The following CHSY3 variants were observed in gnomAD, a reference collection of about 807,000 sequenced individuals.
CHSY3 encodes N-acetylgalactosaminyl-proteoglycan 3-beta-glucuronosyltransferase 3.
In CHSY3, 35 loss-of-function variants were observed where a neutral mutation model predicts 67.2. That is an observed-to-expected ratio of 0.52 (90% CI 0.40 to 0.69). The LOEUF is 0.69. Ranked by LOEUF, CHSY3 falls within the 30% of genes least tolerant of loss-of-function variation. The pLI, the probability that CHSY3 is intolerant of heterozygous loss-of-function variation, is 0.00. For synonymous variants in CHSY3, 474 were observed against 434.7 expected (o/e 1.09, Z -1.12); for missense variants, 1,069 against 1,138.5 (o/e 0.94, Z 0.88).
intron 2 of CHSY3, among the ~76,000 whole-genome samples, chr5:130,063,277 C>T (rs1765770460): frequency 6.6e-6 from 1 of 152,028 alleles, no homozygotes; most frequent in Non-Finnish European, 1.5e-5. Flanking sequence ...ATAAAGGACT[C>T]TCAGCATAAA....
chr5:130,108,996 T>G (rs899516366), intron 2 of CHSY3, among the ~76,000 whole-genome samples: 1 of 151,734 alleles, frequency 6.6e-6, no homozygotes, highest in African/African-American at 2.4e-5. Flanking sequence ...TGAAGACATA[T>G]GAAGCCCTCA....
intron 2 of CHSY3, among the ~76,000 whole-genome samples, chr5:130,119,674 G>A (rs1392574882): frequency 6.6e-6 from 1 of 151,966 alleles, no homozygotes; most frequent in African/African-American, 2.4e-5. Context: ...TCCCAAATTC[G>A]AAAACTCCAG....
At chr5:129,931,046 T>G (rs41488344) in intron 2 of CHSY3, among the ~76,000 whole-genome samples, 4,115 of 152,184 alleles carry the variant, frequency 0.027, 194 homozygotes, top group African/African-American at 0.093. Flanking sequence ...TGTAAGGTCA[T>G]ATATCATGCT....
At chr5:129,921,198 A>G (rs1410731063) in intron 2 of CHSY3, among the ~76,000 whole-genome samples, 2 of 152,194 alleles carry the variant, frequency 1.3e-5, no homozygotes, top group Non-Finnish European at 2.9e-5. Flanking sequence ...GCATACCAAA[A>G]TTGCCAGCAT....
chr5:130,053,803 G>T (rs1318713049), intron 2 of CHSY3, among the ~76,000 whole-genome samples: 3 of 152,002 alleles, frequency 2.0e-5, no homozygotes, highest in Non-Finnish European at 2.9e-5. Flanking sequence ...AAATAAAAGG[G>T]TATGTTTAGA....
Position 130,167,281 on chromosome 5 carries a change from G to A in CHSY3, c.1087-16948G>A, listed in dbSNP as rs527456250. ...TGGTATGATCAGGCCTTCCGTGTTTGCTAATTGGTGTTTATCAAAGTTAGG... is the reference window on the plus strand; with the variant it reads ...TGGTATGATCAGGCCTTCCGTGTTTACTAATTGGTGTTTATCAAAGTTAGG... On this transcript the variant is annotated intron_variant, in intron 2 of 2. Transcript: ENST00000305031. Among the ~76,000 whole-genome samples, 16 of 152,188 alleles carry A rather than the reference G, an allele frequency of 1.1e-4. No homozygotes were observed. In the South Asian group the frequency reaches 3.3e-3, roughly 32 times the overall value.
chr5:130,047,504 G>T (rs1227439843), intron 2 of CHSY3, among the ~76,000 whole-genome samples: 1 of 151,994 alleles, frequency 6.6e-6, no homozygotes, highest in Non-Finnish European at 1.5e-5. Flanking sequence ...TAATTTATTG[G>T]CCATCCAGAA....
At chr5:130,065,062 C>T (rs1347429800) in intron 2 of CHSY3, among the ~76,000 whole-genome samples, 1 of 152,122 alleles carries the variant, frequency 6.6e-6, no homozygotes, top group East Asian at 1.9e-4. Flanking sequence ...TTCTGTAACT[C>T]ATTCATCTGG....
At chr5:129,965,314 C>T (rs1239504729) in intron 2 of CHSY3, among the ~76,000 whole-genome samples, 1 of 151,978 alleles carries the variant, frequency 6.6e-6, no homozygotes, top group East Asian at 1.9e-4. Flanking sequence ...TAGATATATT[C>T]TACCTTACCA....
intron 2 of CHSY3, among the ~76,000 whole-genome samples, chr5:130,178,242 TA>T (rs1770124096): frequency 1.4e-5 from 1 of 71,842 alleles, no homozygotes. Context: ...TATATATATA[TA>T]TATATATATA....
Position 130,149,100 on chromosome 5 carries a change from A to G in CHSY3, c.1087-35129A>G, listed in dbSNP as rs547233371. ...GTTGTAAGGAAGTGGTCCAGTTTCA[A>G]TCTTCTTCATATGGCTAGCCAGTTA... On this transcript the variant is annotated intron_variant, in intron 2 of 2. Coordinates refer to ENST00000305031, the MANE Select transcript of CHSY3 (RefSeq NM_175856.5). Among the ~76,000 whole-genome samples, 7 of 152,240 alleles carry G rather than the reference A, an allele frequency of 4.6e-5. No homozygotes were observed. In the South Asian group the frequency reaches 1.0e-3, roughly 23 times the overall value.
At position 129,904,549 on chromosome 5, in the gene CHSY3, T is replaced by TGCTGCCGCC. The variant is rs904791756; in HGVS notation, c.-271_-263dup. On this transcript the variant is annotated 5_prime_UTR_variant, in exon 1 of 3. Transcript: ENST00000305031. Reference sequence around the variant, plus strand: ...CTCCTGCAGCTCCTCCAGCTGCCGCTGCTGCCGCCGCTGCCGCCACCGCCG... The same window carrying TGCTGCCGCC: ...CTCCTGCAGCTCCTCCAGCTGCCGCTGCTGCCGCCGCTGCCGCCGCTGCCGCCACCGCCG... The TGCTGCCGCC allele has an allele frequency of 1.6e-4, 58 of 356,322 alleles. 1 individual carries two copies. Among genetic ancestry groups the TGCTGCCGCC allele is most frequent in the Admixed American group, 3.5e-4 (7 of 20,004 alleles). The allele number at this position is 356,322 out of a possible 1,614,324, so 22.1% of individuals were successfully genotyped here.
chr5:130,156,622 A>T (rs1049138118), intron 2 of CHSY3, among the ~76,000 whole-genome samples: 1 of 152,212 alleles, frequency 6.6e-6, no homozygotes, highest in Admixed American at 6.5e-5. Flanking sequence ...CTGAGCATCA[A>T]CACCCTTCCA....
chr5:130,049,355 T>C (rs1483543674), intron 2 of CHSY3, among the ~76,000 whole-genome samples: 1 of 152,116 alleles, frequency 6.6e-6, no homozygotes, highest in Non-Finnish European at 1.5e-5. Flanking sequence ...GCTGGGAACA[T>C]GCTTGCATAG....
intron 2 of CHSY3, among the ~76,000 whole-genome samples, chr5:129,974,159 A>G (rs1762725360): frequency 6.6e-6 from 1 of 152,178 alleles, no homozygotes; most frequent in Admixed American, 6.5e-5. Flanking sequence ...CTTATTTCTA[A>G]TAGCCTGTAA....
intron 2 of CHSY3, among the ~76,000 whole-genome samples, chr5:130,112,953 T>G (rs1239280855): frequency 2.0e-5 from 3 of 152,166 alleles, no homozygotes; most frequent in Admixed American, 2.0e-4. Flanking sequence ...TGCAGAAAAT[T>G]ACTATTACAT....
chr5:130,102,701 G>A (rs1767286717), intron 2 of CHSY3, among the ~76,000 whole-genome samples: 1 of 152,052 alleles, frequency 6.6e-6, no homozygotes, highest in Non-Finnish European at 1.5e-5. Flanking sequence ...AATAATCCTT[G>A]AACCTAAAGC....
intron 2 of CHSY3, among the ~76,000 whole-genome samples, chr5:129,992,770 G>A (rs938520664): frequency 6.6e-6 from 1 of 152,148 alleles, no homozygotes; most frequent in Non-Finnish European, 1.5e-5. Flanking sequence ...TCTGCCTTAA[G>A]GTTTTGCCTA....
chr5:130,108,847 C>G (rs1767495984), intron 2 of CHSY3, among the ~76,000 whole-genome samples: 1 of 151,642 alleles, frequency 6.6e-6, no homozygotes, highest in Admixed American at 6.6e-5. Context: ...AATTGAATAA[C>G]ATGTCAAGCA....
Sources: gnomAD v4.1 joint callset for allele counts (sites outside exome capture counted in the v4.1 genomes callset) on GRCh38, gnomAD v4.1.1 for gene constraint, MANE v1.5 for transcripts, NCBI Gene and HGNC (gene_info 2026-07-23, HGNC 2026-07-21) for gene names.